Variants in ATP9A observed in about 807,000 individuals in gnomAD.
ATP9A encodes the protein ATPase phospholipid transporting 9A.
A neutral mutation model predicts 144.1 loss-of-function variants in ATP9A; 52 were observed. That is an observed-to-expected ratio of 0.36 (90% CI 0.29 to 0.45). ATP9A has a LOEUF of 0.45. ATP9A is among the 20% of genes least tolerant of loss of function. The pLI is 1.00. For missense variants in ATP9A, 947 were observed against 1,392.7 expected, an observed-to-expected ratio of 0.68 and a Z score of 5.09; for synonymous variants, 582 against 557.4, an observed-to-expected ratio of 1.04 and a Z score of -0.62.
intron 1 of ATP9A, among the ~76,000 whole-genome samples, chr20:51,735,887 G>A (rs909888487): frequency 5.9e-5 from 9 of 152,160 alleles, no homozygotes; most frequent in Non-Finnish European, 1.2e-4. Flanking sequence ...GCCAGCCCTC[G>A]CCTAGGCACC....
At chr20:51,609,419 G>A (rs932345761) in intron 24 of ATP9A, among the ~76,000 whole-genome samples, 2 of 152,094 alleles carry the variant, frequency 1.3e-5, no homozygotes, top group East Asian at 1.9e-4. Context: ...CGCACCCGCC[G>A]TCTCCTCATA....
rs186633135 is a variant in ATP9A at position 51,673,407 on chromosome 20, C to G, written c.1037+746G>C. Among the ~76,000 whole-genome samples the G allele has an allele frequency of 4.5e-4, 69 of 152,256 alleles. No individual in the cohort carries two copies. The East Asian group carries it at 0.012, about 26-fold the overall frequency. On this transcript the variant is annotated intron_variant, in intron 11 of 27. Transcript: ENST00000338821. ...ATAAATAAATAAATAACCATTTATTCAACCTCCAAATCAGGTAGGCAAAGG... is the reference window on the plus strand; with the variant it reads ...ATAAATAAATAAATAACCATTTATTGAACCTCCAAATCAGGTAGGCAAAGG...
At chr20:51,630,144 A>G (rs1257430472) in intron 15 of ATP9A, among the ~76,000 whole-genome samples, 1 of 152,132 alleles carries the variant, frequency 6.6e-6, no homozygotes, top group Non-Finnish European at 1.5e-5. Context: ...GACGCCCCCA[A>G]CCACCACCAG....
intron 16 of ATP9A, among the ~76,000 whole-genome samples, chr20:51,627,935 T>G (rs1418617724): frequency 6.6e-6 from 1 of 152,120 alleles, no homozygotes; most frequent in Admixed American, 6.6e-5. Context: ...GTTTCCAAAT[T>G]TAAGTCAACA....
chr20:51,674,385 G>T (rs6091347), intron 10 of ATP9A, 72 bp from the exon 11 acceptor site: 3 of 1,528,662 alleles, frequency 2.0e-6, no homozygotes, highest in Non-Finnish European at 2.7e-6. Context: ...ACCAGGAGGT[G>T]GAGGCTGCAG....
intron 3 of ATP9A, 73 bp downstream of exon 3, chr20:51,725,746 A>G (rs1205708): frequency 0.71 from 758,976 of 1,062,654 alleles, 273,998 homozygotes; most frequent in East Asian, 1. Context: ...CCAGATGCCT[A>G]AGTGAGAGAA....
At position 51,681,406 on chromosome 20, in the gene ATP9A, T is replaced by G. The variant is rs564218982; in HGVS notation, c.800-5198A>C. 5.2e-4 allele frequency among the ~76,000 whole-genome samples: 79 copies of G among 150,922 alleles called. 4 individuals are homozygous for G. In the South Asian group the frequency reaches 0.016, roughly 31 times the overall value. On this transcript the variant is annotated intron_variant, in intron 9 of 27. Transcript: ENST00000338821. ...ATACATAAAACTCTCTCCCATTTCC[T>G]CTATAGCCCATCCTAAATTTCTTTT...
At chr20:51,720,543 A>G (rs1006832599) in intron 3 of ATP9A, among the ~76,000 whole-genome samples, 12 of 152,192 alleles carry the variant, frequency 7.9e-5, no homozygotes, top group Non-Finnish European at 2.9e-5. Context: ...GTAAAGCCCA[A>G]CAGTTTCCTA....
rs370760335 is a variant in ATP9A at position 51,674,323 on chromosome 20, G to C, written c.877-10C>G. 1.2e-6 allele frequency: 2 copies of C among 1,612,138 alleles called. No individual in the cohort carries two copies. The highest frequency in any genetic ancestry group is 4.5e-5 in the East Asian group (2 of 44,832). ...AGTCGAACAGGCCGATCTGTGGGAC[G>C]AAGCACAAACCAGGGCTTGAGATGA... On this transcript the variant is annotated splice_polypyrimidine_tract_variant and intron_variant, in intron 10 of 27. Coordinates refer to ENST00000338821, the MANE Select transcript of ATP9A (RefSeq NM_006045.3).
intron 1 of ATP9A, among the ~76,000 whole-genome samples, chr20:51,763,322 T>C (rs1055266884): frequency 6.6e-6 from 1 of 151,172 alleles, no homozygotes; most frequent in Non-Finnish European, 1.5e-5. Context: ...TACTTTTTTT[T>C]TTTTTTTTGA....
At chr20:51,748,012 C>T (rs1052144899) in intron 1 of ATP9A, among the ~76,000 whole-genome samples, 8 of 152,214 alleles carry the variant, frequency 5.3e-5, no homozygotes, top group Non-Finnish European at 7.3e-5. Flanking sequence ...TGTCTTCTAT[C>T]TATCCTTCCA....
At position 51,625,374 on chromosome 20, in the gene ATP9A, C is replaced by A. The variant is rs2077244040; in HGVS notation, c.1846-12G>T. 6.2e-7 allele frequency: 1 copy of A among 1,608,800 alleles called. No homozygotes were observed. Among genetic ancestry groups the A allele is most frequent in the African/African-American group, 1.3e-5 (1 of 74,868 alleles). ...TGGACGTAGCGGGCCTGGGACACAC[C>A]AGCAGATGCAGTCACTGCTTAGGGT... On this transcript the variant is annotated splice_polypyrimidine_tract_variant and intron_variant, in intron 17 of 27. Transcript: ENST00000338821.
In ATP9A at chr20:51,689,132, C is replaced by A; in HGVS notation, c.731G>T (p.Ser244Ile). 6.2e-7 allele frequency: 1 copy of A among 1,614,068 alleles called. No individual in the cohort carries two copies. Among genetic ancestry groups the A allele is most frequent in the South Asian group, 1.1e-5 (1 of 91,066 alleles). ...NFVGTFTRED[S>I]DPPISESLSI... ...CAGGCTCTCGCTGATCGGGGGGTCG[C>A]TGTCTTCCTGGAAAAGACCAAACGG... The change falls in exon 9 of 28, where the codon AGC becomes ATC. Residue 244 changes from serine (S) to isoleucine (I), a missense_variant. Physicochemically the swap from Ser to Ile is moderately radical, Grantham distance 142. Transcript: ENST00000338821.
chr20:51,716,199 A>G (rs915606800), intron 3 of ATP9A, among the ~76,000 whole-genome samples: 1 of 152,210 alleles, frequency 6.6e-6, no homozygotes, highest in African/African-American at 2.4e-5. Flanking sequence ...CTCAATAACA[A>G]AAATACTCCA....
At chr20:51,636,797 A>C (rs1451747364) in intron 15 of ATP9A, among the ~76,000 whole-genome samples, 1 of 152,244 alleles carries the variant, frequency 6.6e-6, no homozygotes, top group Non-Finnish European at 1.5e-5. Context: ...AATCACTTAG[A>C]ACAGCCTCTG....
rs765812252 is a variant in ATP9A, at chr20:51,622,079, G to A, written c.2110C>T (p.Arg704Trp). ...VTRNQDIHVFRLVTNRGEAHL... is the reference protein window; with the variant it reads ...VTRNQDIHVFWLVTNRGEAHL... ...TAACGCAGAGGACACTTTACCAGCC[G>A]AAAAACGTGGATGTCTTGGTTTCTG... The change falls in exon 19 of 28, where the codon CGG becomes TGG. Residue 704 changes from arginine (R) to tryptophan (W), a missense_variant. By Grantham distance (101) the Arg-to-Trp change is moderately radical. Around this residue, in one of 2 missense-constraint regions of ATP9A, gnomAD observed 770 missense variants for 1,047.9 expected, o/e 0.73. Transcript: ENST00000338821. 1.4e-5 allele frequency: 22 copies of A among 1,613,848 alleles called. 1 individual carries two copies. Among genetic ancestry groups the A allele is most frequent in the South Asian group, 3.3e-5 (3 of 91,058 alleles).
At chr20:51,653,514 C>T (rs1192478289) in intron 14 of ATP9A, among the ~76,000 whole-genome samples, 4 of 152,076 alleles carry the variant, frequency 2.6e-5, no homozygotes, top group African/African-American at 9.7e-5. Flanking sequence ...CCGCTGGGTG[C>T]GGTGGTTACG....
intron 14 of ATP9A, among the ~76,000 whole-genome samples, chr20:51,647,297 C>T (rs4811207): frequency 0.46 from 70,086 of 151,998 alleles, 17,702 homozygotes; most frequent in East Asian, 0.8. Context: ...GCCTGTAATC[C>T]CAGCACTTTG....
At chr20:51,758,793 C>T (rs995706661) in intron 1 of ATP9A, among the ~76,000 whole-genome samples, 9 of 152,110 alleles carry the variant, frequency 5.9e-5, no homozygotes, top group Non-Finnish European at 1.2e-4. Flanking sequence ...GCCATGGTGG[C>T]CTGCACCTGT....
Sources: gnomAD v4.1 joint callset for allele counts (sites outside exome capture counted in the v4.1 genomes callset) on GRCh38, gnomAD v4.1.1 for gene constraint, gnomAD v4.1.1 regional missense constraint, MANE v1.5 for transcripts, NCBI Gene and HGNC (gene_info 2026-07-23, HGNC 2026-07-21) for gene names.